Variants in AHDC1 observed in about 807,000 individuals in gnomAD.
AHDC1 encodes transcription factor Gibbin.
Under a neutral mutation model 87.9 loss-of-function variants are expected in AHDC1, and 7 were observed. The observed-to-expected ratio is 0.08, with a 90% confidence interval of 0.05 to 0.15. The LOEUF is 0.15. Ranked by LOEUF, AHDC1 falls within the 10% of genes least tolerant of loss-of-function variation. AHDC1 has a pLI of 1.00. For synonymous variants in AHDC1, 1,051 were observed against 1,006.8 expected, an observed-to-expected ratio of 1.04 and a Z score of -0.83; for missense variants, 1,841 against 2,253.2, an observed-to-expected ratio of 0.82 and a Z score of 3.70.
intron 5 of AHDC1, among the ~76,000 whole-genome samples, chr1:27,556,332 C>T (rs904906716): frequency 6.6e-6 from 1 of 151,852 alleles, no homozygotes; most frequent in Non-Finnish European, 1.5e-5. Flanking sequence ...CCTCCTCCCC[C>T]ACCATTTCCC....
At chr1:27,545,594 G>A (rs1380208785) in intron 8 of AHDC1, among the ~76,000 whole-genome samples, 2 of 152,254 alleles carry the variant, frequency 1.3e-5, no homozygotes, top group Admixed American at 1.3e-4. Flanking sequence ...CCGCCAGTGA[G>A]AAGGATCAAG....
chr1:27,566,840 C>T (rs978328532), intron 3 of AHDC1, among the ~76,000 whole-genome samples: 3 of 76,334 alleles, frequency 3.9e-5, no homozygotes, highest in Non-Finnish European at 5.3e-5. Flanking sequence ...GCAGAGCTGT[C>T]GAGGGAGGGG....
chr1:27,578,287 G>A (rs1223996195), intron 3 of AHDC1, among the ~76,000 whole-genome samples: 2 of 152,128 alleles, frequency 1.3e-5, no homozygotes, highest in Admixed American at 6.5e-5. Flanking sequence ...GATATATTGG[G>A]TTATATAAGA....
At chr1:27,592,574 T>TCC (rs1214895030) in intron 3 of AHDC1, among the ~76,000 whole-genome samples, 25 of 65,250 alleles carry the variant, frequency 3.8e-4, no homozygotes, top group African/African-American at 1.4e-3. Flanking sequence ...TCCCCCGCCC[T>TCC]CCCCCCCCCA....
chr1:27,559,522 A>C (rs779465872), intron 3 of AHDC1, among the ~76,000 whole-genome samples: 1 of 152,202 alleles, frequency 6.6e-6, no homozygotes, highest in Non-Finnish European at 1.5e-5. Flanking sequence ...TGGGCAAGTC[A>C]GTTAACTTTT....
chr1:27,566,126 C>T (rs2020304358), intron 3 of AHDC1, among the ~76,000 whole-genome samples: 2 of 152,060 alleles, frequency 1.3e-5, no homozygotes, highest in Non-Finnish European at 2.9e-5. Context: ...ACTGAAAGGC[C>T]CAGCTCTGAA....
Position 27,590,069 on chromosome 1 carries a change from C to T in AHDC1, c.-629+13328G>A, listed in dbSNP as rs1195443031. Among the ~76,000 whole-genome samples, 1 of 152,192 alleles carries T rather than the reference C, an allele frequency of 6.6e-6. No homozygotes were observed. The highest frequency in any genetic ancestry group is 1.5e-5 in the Non-Finnish European group (1 of 67,996). On this transcript the variant is annotated intron_variant, in intron 3 of 8. Coordinates refer to ENST00000673934, the MANE Select transcript of AHDC1 (RefSeq NM_001371928.1). The surrounding 1 kb of genome is among the most constrained non-coding windows in gnomAD (Gnocchi z 5.4). ...ACCCACTGCTGAGGAGAGCCCTGCC[C>T]TGAGATGAGAGCTGGGGGTACAGGA...
Position 27,550,034 on chromosome 1 carries a change from G to A in AHDC1, c.2082C>T (p.Phe694=). 1 of 1,601,970 alleles carries A rather than the reference G, an allele frequency of 6.2e-7. No individual in the cohort carries two copies. Among genetic ancestry groups the A allele is most frequent in the Non-Finnish European group, 8.5e-7 (1 of 1,172,186 alleles). ...TCTTTTTCTTGCCGATGCCCTCAAAGAAGTCACTGAAGGAGCATCGGGCTG... is the reference window on the plus strand; with the variant it reads ...TCTTTTTCTTGCCGATGCCCTCAAAAAAGTCACTGAAGGAGCATCGGGCTG... The part of the protein sequence containing the change: ...AKSARCSFSD[F]FEGIGKKKKV... Residue 694 remains phenylalanine (F), a synonymous_variant, in exon 8 of 9, where the codon TTC becomes TTT. Transcript: ENST00000673934.
In AHDC1 at chr1:27,598,513, G is replaced by A. The variant is rs1173360723; in HGVS notation, c.-629+4884C>T. On this transcript the variant is annotated intron_variant, in intron 3 of 8. Coordinates refer to ENST00000673934, the MANE Select transcript of AHDC1 (RefSeq NM_001371928.1). This position sits in a 1 kb window ranked among gnomAD's most constrained non-coding sequence, Gnocchi z 4.2. ...GAGGGGCTGGGAGCCAGGGCTTCCT[G>A]TCAGCTGGGCTGGAGGGGGGCTCCT... 6.6e-6 allele frequency among the ~76,000 whole-genome samples: 1 copy of A among 152,126 alleles called. No individual in the cohort carries two copies. The highest frequency in any genetic ancestry group is 1.5e-5 in the Non-Finnish European group (1 of 67,988).
intron 3 of AHDC1, among the ~76,000 whole-genome samples, chr1:27,600,475 CAAAA>C (rs1479064725): frequency 6.8e-6 from 1 of 148,034 alleles, no homozygotes; most frequent in Non-Finnish European, 1.5e-5. Context: ...AAAAAAAAAA[CAAAA>C]AAAATTGAAA....
chr1:27,538,837 G>C (rs996137609), intron 8 of AHDC1, among the ~76,000 whole-genome samples: 3 of 152,090 alleles, frequency 2.0e-5, no homozygotes, highest in African/African-American at 7.2e-5. Context: ...TATAAAATAA[G>C]GGAGCTGAAC....
chr1:27,549,372 A>C lies in AHDC1; in HGVS notation c.2744T>G (p.Leu915Arg). The change falls in exon 8 of 9, where the codon CTG becomes CGG. Residue 915 changes from leucine to arginine, a missense_variant. By Grantham distance (102) the Leu-to-Arg change is moderately radical (BLOSUM62 -2). Transcript: ENST00000673934. The stretch of plus-strand genomic sequence containing the variant: ...TGGTGGGAAGGTCTGGCGCGCGGAC[A>C]GGACAGGCTGAAAGGAGGGGTCCGC... ...AGADPSFQPV[L>R]SARQTFPPGR... is the part of the protein sequence containing the mutation. 6.2e-7 allele frequency: 1 copy of C among 1,613,060 alleles called. No individual in the cohort carries two copies. Among genetic ancestry groups the C allele is most frequent in the South Asian group, 1.1e-5 (1 of 91,062 alleles).
In AHDC1 at chr1:27,563,344, GAC is replaced by G. The variant is rs58219407; in HGVS notation, c.-628-4463_-628-4462del. Among the ~76,000 whole-genome samples the G allele has an allele frequency of 0.14, 20,478 of 147,692 alleles. 2,051 individuals are homozygous for G. The highest frequency in any genetic ancestry group is 0.29 in the African/African-American group (11,573 of 40,574). On this transcript the variant is annotated intron_variant, in intron 3 of 8. Transcript: ENST00000673934. This position sits in a 1 kb window ranked among gnomAD's most constrained non-coding sequence, Gnocchi z 6.1. ...CAGAACCTGTCACACAGCTGACCAAGACACACACACACACACACACACACGTG... is the reference window on the plus strand; with the variant it reads ...CAGAACCTGTCACACAGCTGACCAAGACACACACACACACACACACACGTG...
chr1:27,544,492 G>A (rs79148897), intron 8 of AHDC1, among the ~76,000 whole-genome samples: 5,366 of 152,296 alleles, frequency 0.035, 301 homozygotes, highest in African/African-American at 0.12. Context: ...CAGGGGCTCA[G>A]GTTGGGAAAC....
intron 3 of AHDC1, among the ~76,000 whole-genome samples, chr1:27,584,576 TC>T (rs2088994240): frequency 6.6e-6 from 1 of 152,218 alleles, no homozygotes; most frequent in African/African-American, 2.4e-5. Context: ...GCCTTGTTTT[TC>T]CAGTTAGTTG....
intron 3 of AHDC1, among the ~76,000 whole-genome samples, chr1:27,603,143 A>ACCCCCCCCCCCCCCCCCCCCCCC (rs1156376060): frequency 9.1e-6 from 1 of 110,426 alleles, no homozygotes; most frequent in Non-Finnish European, 2.0e-5. Flanking sequence ...AAACCCGAGA[A>ACCCCCCCCCCCCCCCCCCCCCCC]CCCCCCCTCC....
At chr1:27,538,993 C>T (rs1307335584) in intron 8 of AHDC1, among the ~76,000 whole-genome samples, 1 of 152,188 alleles carries the variant, frequency 6.6e-6, no homozygotes, top group East Asian at 1.9e-4. Context: ...GGAGAGGATA[C>T]TGCTTCCTGG....
At position 27,561,737 on chromosome 1, in the gene AHDC1, G is replaced by A. The variant is rs1226539443; in HGVS notation, c.-628-2854C>T. ...CCAGAGGGAGAGAGGAAAAGACAGA[G>A]AGGAAGAGGGAGAAAGATACACAGG... On this transcript the variant is annotated intron_variant, in intron 3 of 8. Transcript: ENST00000673934. This position sits in a 1 kb window ranked among gnomAD's most constrained non-coding sequence, Gnocchi z 4.2. 6.6e-6 allele frequency among the ~76,000 whole-genome samples: 1 copy of A among 152,148 alleles called. No homozygotes were observed. Among genetic ancestry groups the A allele is most frequent in the Non-Finnish European group, 1.5e-5 (1 of 68,034 alleles).
At chr1:27,554,534 A>C (rs2019735872) in intron 5 of AHDC1, among the ~76,000 whole-genome samples, 2 of 152,106 alleles carry the variant, frequency 1.3e-5, no homozygotes. Flanking sequence ...CAGAGCTGGG[A>C]TTTAGATCCA....
Sources: gnomAD v4.1 joint callset for allele counts (sites outside exome capture counted in the v4.1 genomes callset) on GRCh38, gnomAD v4.1.1 for gene constraint, Gnocchi (gnomAD v3.1) non-coding constraint, MANE v1.5 for transcripts, NCBI Gene and HGNC (gene_info 2026-07-23, HGNC 2026-07-21) for gene names.